Variants in PSMC2 observed in about 807,000 individuals in gnomAD.
PSMC2 encodes the protein proteasome 26S subunit, ATPase 2.
PSMC2 carries 7 observed loss-of-function variants against 53.3 expected under a neutral mutation model. That is an observed-to-expected ratio of 0.13 (90% confidence interval 0.07 to 0.25). The LOEUF is 0.25. Among genes scored for constraint, PSMC2 ranks in the 10% least tolerant of loss-of-function variants. The probability of loss-of-function intolerance (pLI) is 1.00; values close to 1 mark genes in which losing one functional copy is unlikely to be tolerated. For synonymous variants in PSMC2, 169 were observed against 183.9 expected (o/e 0.92, Z 0.66); for missense variants, 241 against 544.0 (o/e 0.44, Z 5.54).
intron 1 of PSMC2, 149 bp downstream of exon 1, chr7:103,347,930 A>G: frequency 1.3e-6 from 1 of 782,688 alleles, no homozygotes; most frequent in South Asian, 1.5e-5. Flanking sequence ...GGCCGGATTA[A>G]CTTGCCTGCC....
intron 5 of PSMC2, chr7:103,362,458 C>A: frequency 7.3e-7 from 1 of 1,372,692 alleles, no homozygotes. Flanking sequence ...AAAAAAATCT[C>A]CCCTCCCTCC....
chr7:103,366,247 T>C (rs1395462726), intron 9 of PSMC2, 84 bp downstream of exon 9: 11 of 1,231,940 alleles, frequency 8.9e-6, no homozygotes, highest in Non-Finnish European at 1.3e-5. Flanking sequence ...GTTAATCTTG[T>C]ACAGAATTTT....
At position 103,356,867 on chromosome 7, in the gene PSMC2, C is replaced by T. The variant is rs546153842; in HGVS notation, c.290+1074C>T. 1.4e-4 allele frequency among the ~76,000 whole-genome samples: 21 copies of T among 152,202 alleles called. No individual in the cohort carries two copies. In the South Asian group the frequency reaches 3.7e-3, roughly 27 times the overall value. On this transcript the variant is annotated intron_variant, in intron 4 of 11. Transcript: ENST00000292644. Reference sequence around the variant, plus strand: ...CAATTCAAGGCTATAAACATATTCTCCTCTGTTTATAATCCTTTTAAAAAT... The same window carrying T: ...CAATTCAAGGCTATAAACATATTCTTCTCTGTTTATAATCCTTTTAAAAAT...
chr7:103,364,776 C>A (rs1053681603), intron 8 of PSMC2, among the ~76,000 whole-genome samples: 13 of 151,918 alleles, frequency 8.6e-5, no homozygotes, highest in Non-Finnish European at 1.8e-4. Context: ...TGGAGATAGG[C>A]AACCACTTAA....
At chr7:103,352,893 C>G (rs763650961) in intron 1 of PSMC2, 1 of 780,920 alleles carries the variant, frequency 1.3e-6, no homozygotes, top group Non-Finnish European at 2.4e-6. Flanking sequence ...ATTTCCCCTA[C>G]GGTCTCCATC....
In PSMC2 at chr7:103,367,417, TC is replaced by T; in HGVS notation, c.850del (p.Arg284ValfsTer19). 1 of 1,613,572 alleles carries T rather than the reference TC, an allele frequency of 6.2e-7. No individual in the cohort carries two copies. Among genetic ancestry groups the T allele is most frequent in the Non-Finnish European group, 8.5e-7 (1 of 1,179,910 alleles). On this transcript the variant is annotated frameshift_variant, in exon 10 of 12. Transcript: ENST00000292644. LOFTEE classifies it high-confidence loss of function. This position sits in a 1 kb window ranked among gnomAD's most constrained non-coding sequence, Gnocchi z 6.1. Reference protein sequence around the residue: ...FDEIDAIGGARFDDGAGGDNE... With the variant: ...FDEIDAIGGAXFDDGAGGDNE... ...TCTTTCCTTTTGTCTTCTCAGGGGC[TC>T]GTTTTGATGATGGTGCTGGAGGTGA...
intron 4 of PSMC2, among the ~76,000 whole-genome samples, chr7:103,359,638 T>C (rs1820261335): frequency 6.6e-6 from 1 of 152,254 alleles, no homozygotes; most frequent in African/African-American, 2.4e-5. Context: ...TATTCTAAAA[T>C]AGATGGAACT....
At chr7:103,364,682 A>G (rs1316397110) in intron 8 of PSMC2, among the ~76,000 whole-genome samples, 3 of 152,118 alleles carry the variant, frequency 2.0e-5, no homozygotes, top group East Asian at 1.9e-4. Context: ...TGCTGGTAGT[A>G]TAGGCAAGAA....
At position 103,362,669 on chromosome 7, in the gene PSMC2, CT is replaced by C. The variant is rs1364028062; in HGVS notation, c.423-11del. The C allele has an allele frequency of 1.3e-6, 2 of 1,585,298 alleles. No individual in the cohort carries two copies. Among genetic ancestry groups the C allele is most frequent in the Non-Finnish European group, 1.7e-6 (2 of 1,154,746 alleles). ...GCTTAAAGAATGTATTAATGACTAT[CT>C]TTTTTACTTCCTTAGCGTGGATAGA... On this transcript the variant is annotated splice_polypyrimidine_tract_variant and intron_variant, in intron 5 of 11. Transcript: ENST00000292644.
rs779440084 is a variant in PSMC2 at position 103,367,369 on chromosome 7, CTT to C, written c.845-43_845-42del. 6.3e-6 allele frequency: 10 copies of C among 1,596,904 alleles called. No homozygotes were observed. Among genetic ancestry groups the C allele is most frequent in the South Asian group, 5.5e-5 (5 of 90,388 alleles). ...CTTTCAGGTCATGCATAGTGCTACT[CTT>C]GAGTGGACTTGAAGAGCTTATCTTT... On this transcript the variant is annotated intron_variant, in intron 9 of 11. Transcript: ENST00000292644. This position sits in a 1 kb window ranked among gnomAD's most constrained non-coding sequence, Gnocchi z 6.1.
chr7:103,358,406 C>T lies in PSMC2; in HGVS notation c.290+2613C>T, dbSNP rs551066572. On this transcript the variant is annotated intron_variant, in intron 4 of 11. Coordinates refer to ENST00000292644, the MANE Select transcript of PSMC2 (RefSeq NM_002803.4). ...AAACTATTTGTTAATTTCTTTCCTT[C>T]CGTTTTCTTGGACCCTTATTCCTGA... is the stretch of plus-strand genomic sequence containing the variant. Among the ~76,000 whole-genome samples the T allele has an allele frequency of 2.6e-5, 4 of 152,246 alleles. No homozygotes were observed. In the South Asian group the frequency reaches 6.2e-4, roughly 24 times the overall value.
intron 4 of PSMC2, among the ~76,000 whole-genome samples, chr7:103,360,983 G>A (rs373933825): frequency 6.6e-5 from 10 of 151,962 alleles, no homozygotes; most frequent in East Asian, 5.8e-4. Context: ...GCGTGCTGGC[G>A]CATTCCTGTA....
chr7:103,349,487 C>G (rs1403566308), intron 1 of PSMC2, among the ~76,000 whole-genome samples: 2 of 151,276 alleles, frequency 1.3e-5, no homozygotes, highest in Non-Finnish European at 2.9e-5. Context: ...TTGCTCTTGT[C>G]ACCCAGGCTG....
At chr7:103,348,639 A>C in intron 1 of PSMC2, 1 of 1,412,730 alleles carries the variant, frequency 7.1e-7, no homozygotes, top group Non-Finnish European at 1.0e-6. Context: ...ACCCGCGAAA[A>C]TTCGGCCAGG....
intron 1 of PSMC2, 55 bp downstream of exon 1, chr7:103,347,836 C>G (rs1203708933): frequency 1.3e-6 from 2 of 1,594,104 alleles, no homozygotes; most frequent in Admixed American, 3.3e-5. Flanking sequence ...GCGGAGCTGC[C>G]TTGGCACTGG....
At chr7:103,352,513 G>A (rs145229795) in intron 1 of PSMC2, among the ~76,000 whole-genome samples, 7 of 150,168 alleles carry the variant, frequency 4.7e-5, no homozygotes, top group African/African-American at 9.8e-5. Flanking sequence ...GGGCTCAAGC[G>A]ATCCTCCTGC....
intron 8 of PSMC2, among the ~76,000 whole-genome samples, chr7:103,364,637 G>C (rs1820595387): frequency 6.6e-6 from 1 of 151,948 alleles, no homozygotes; most frequent in African/African-American, 2.4e-5. Context: ...CAAACTCCTG[G>C]GCTCAAGTGA....
intron 4 of PSMC2, among the ~76,000 whole-genome samples, 187 bp from the exon 5 acceptor site, chr7:103,361,770 T>G (rs113476833): frequency 2.0e-5 from 3 of 152,306 alleles, no homozygotes; most frequent in African/African-American, 7.2e-5. Context: ...ATTTGAAAAT[T>G]TTATGACTTG....
At chr7:103,361,874 A>C (rs1382852651) in intron 4 of PSMC2, 83 bp from the exon 5 acceptor site, 1 of 1,372,290 alleles carries the variant, frequency 7.3e-7, no homozygotes, top group African/African-American at 1.5e-5. Context: ...TGTATATTGC[A>C]CACTCAGGAT....
Sources: allele counts gnomAD v4.1 joint callset (sites outside exome capture counted in the v4.1 genomes callset), GRCh38; gene constraint gnomAD v4.1.1; non-coding constraint Gnocchi (gnomAD v3.1); transcripts MANE v1.5; gene names NCBI Gene and HGNC (gene_info 2026-07-23, HGNC 2026-07-21).